Variants in ALOX5 observed in about 807,000 individuals in gnomAD.
ALOX5 encodes polyunsaturated fatty acid 5-lipoxygenase.
In ALOX5, 64 loss-of-function variants were observed where a neutral mutation model predicts 87.9. The ratio of observed to expected loss-of-function variants is 0.73; its 90% confidence interval spans 0.60 to 0.90. The LOEUF (loss-of-function observed/expected upper bound fraction) is 0.90, where lower values mean the gene tolerates loss of function less well. ALOX5 is among the 40% of genes least tolerant of loss of function. The probability of loss-of-function intolerance (pLI) is 0.00; values close to 1 mark genes in which losing one functional copy is unlikely to be tolerated. For missense variants in ALOX5, 822 were observed against 907.5 expected (o/e 0.91, Z 1.21); for synonymous variants, 388 against 355.1 (o/e 1.09, Z -1.04).
chr10:45,387,122 T>C (rs1038832091), intron 2 of ALOX5, among the ~76,000 whole-genome samples: 8 of 152,324 alleles, frequency 5.3e-5, no homozygotes, highest in East Asian at 1.9e-4. Flanking sequence ...CCCGGAGAAG[T>C]AGGCATTATC....
chr10:45,377,890 T>G (rs997350979), intron 1 of ALOX5, among the ~76,000 whole-genome samples: 2 of 152,216 alleles, frequency 1.3e-5, no homozygotes, highest in Admixed American at 1.3e-4. Flanking sequence ...GCTTTAAAAC[T>G]ACATATCCAA....
rs573969639 is a variant in ALOX5, at chr10:45,398,816, T to C, written c.431+2880T>C. 1.5e-4 allele frequency among the ~76,000 whole-genome samples: 23 copies of C among 152,246 alleles called. No individual in the cohort carries two copies. In the South Asian group the frequency reaches 4.8e-3, roughly 32 times the overall value. ...AATAAAAAAATCCGACAAGAACAAG[T>C]GTTGACAAGGATGTGGAGAAATCAG... is the stretch of plus-strand genomic sequence containing the variant. On this transcript the variant is annotated intron_variant, in intron 3 of 13. Transcript: ENST00000374391.
At chr10:45,419,640 G>A (rs1841431970) in intron 4 of ALOX5, among the ~76,000 whole-genome samples, 3 of 152,260 alleles carry the variant, frequency 2.0e-5, no homozygotes, top group Admixed American at 2.0e-4. Context: ...AGTGTTCGGG[G>A]ATTCCCGAGC....
intron 3 of ALOX5, among the ~76,000 whole-genome samples, chr10:45,403,774 A>G (rs747406056): frequency 2.6e-5 from 4 of 152,184 alleles, no homozygotes; most frequent in Non-Finnish European, 5.9e-5. Context: ...CTCAGGCACC[A>G]TATGATGTGT....
chr10:45,396,075 G>C, intron 3 of ALOX5, 139 bp downstream of exon 3: 1 of 758,790 alleles, frequency 1.3e-6, no homozygotes. Context: ...CCCAGTGTGG[G>C]TGCACAATCC....
intron 3 of ALOX5, among the ~76,000 whole-genome samples, chr10:45,399,986 AG>A (rs557780964): frequency 3.9e-4 from 59 of 152,220 alleles, no homozygotes; most frequent in Non-Finnish European, 7.5e-4. Flanking sequence ...AAAGACAGAT[AG>A]TAACAAGTGC....
intron 1 of ALOX5, among the ~76,000 whole-genome samples, chr10:45,380,274 A>G (rs1305105266): frequency 6.6e-6 from 1 of 152,216 alleles, no homozygotes; most frequent in African/African-American, 2.4e-5. Flanking sequence ...TGGACCCAAG[A>G]CATGTCATCC....
rs191727256 is a variant in ALOX5 at position 45,435,512 on chromosome 10, T to C, written c.982-4918T>C. On this transcript the variant is annotated intron_variant, in intron 7 of 13. Transcript: ENST00000374391. ...TAGCTCCCACTTATAAATAAGAACATGCAGTATTCGATTTTCTGTTTCTGG... is the reference window on the plus strand; with the variant it reads ...TAGCTCCCACTTATAAATAAGAACACGCAGTATTCGATTTTCTGTTTCTGG... Among the ~76,000 whole-genome samples, 523 of 152,284 alleles carry C rather than the reference T, an allele frequency of 3.4e-3. 7 individuals are homozygous for C. Among genetic ancestry groups the C allele is most frequent in the African/African-American group, 0.012 (489 of 41,548 alleles).
In ALOX5 at chr10:45,382,605, C is replaced by T; in HGVS notation, c.273C>T (p.Pro91=). ...WYLKYITLKT[P]HGDYIEFPCY... ...TGAAGTACATCACGCTGAAGACGCC[C>T]CACGGGGACTACATCGAGTTCCCCT... is the stretch of plus-strand genomic sequence containing the variant. The change falls in exon 2 of 14, where the codon CCC becomes CCT. Residue 91 remains proline (P), a synonymous_variant. Transcript: ENST00000374391. 6.2e-7 allele frequency: 1 copy of T among 1,614,154 alleles called. No homozygotes were observed. Among genetic ancestry groups the T allele is most frequent in the South Asian group, 1.1e-5 (1 of 91,084 alleles).
intron 4 of ALOX5, among the ~76,000 whole-genome samples, chr10:45,420,844 T>G (rs1841478126): frequency 6.6e-6 from 1 of 152,190 alleles, no homozygotes; most frequent in Non-Finnish European, 1.5e-5. Context: ...ATGGCCTCAT[T>G]AAAGCAAATT....
Position 45,395,858 on chromosome 10 carries a change from A to G in ALOX5, c.353A>G (p.Lys118Arg). The G allele has an allele frequency of 6.2e-7, 1 of 1,614,184 alleles. No individual in the cohort carries two copies. The highest frequency in any genetic ancestry group is 8.5e-7 in the Non-Finnish European group (1 of 1,180,006). Residue 118 changes from lysine to arginine, a missense_variant, in exon 3 of 14, where the codon AAG (lysine) becomes AGG (arginine). Physicochemically the swap from Lys to Arg is conservative, Grantham distance 26 (BLOSUM62 2). Transcript: ENST00000374391. ...VEVVLRDGRA[K>R]LARDDQIHIL... ...TCATGTTGTTCTTTCTTTACAGCAAAGTTGGCCCGAGATGACCAAATTCAC... is the reference window on the plus strand; with the variant it reads ...TCATGTTGTTCTTTCTTTACAGCAAGGTTGGCCCGAGATGACCAAATTCAC...
Position 45,445,887 on chromosome 10 carries a change from G to C in ALOX5, c.*200G>C. The C allele has an allele frequency of 1.7e-6, 1 of 597,168 alleles. No homozygotes were observed. Among genetic ancestry groups the C allele is most frequent in the Non-Finnish European group, 2.9e-6 (1 of 348,294 alleles). 37.0% of individuals were successfully genotyped at this position (597,168 alleles called of 1,614,324 possible). A position where few individuals can be genotyped will look rare whatever the true frequency, so the allele number is the denominator to read the frequency against. On this transcript the variant is annotated 3_prime_UTR_variant, in exon 14 of 14. Transcript: ENST00000374391. Reference sequence around the variant, plus strand: ...ACACCATAGGGACCCATTCTACACAGAGCAGGACTGCACAGCGTCCTGTCC... The same window carrying C: ...ACACCATAGGGACCCATTCTACACACAGCAGGACTGCACAGCGTCCTGTCC...
At chr10:45,432,413 G>A (rs1564444270) in intron 7 of ALOX5, among the ~76,000 whole-genome samples, 1 of 151,686 alleles carries the variant, frequency 6.6e-6, no homozygotes, top group Non-Finnish European at 1.5e-5. Flanking sequence ...TTTCCTTGCT[G>A]GATTTGTAAG....
rs537251267 is a variant in ALOX5, at chr10:45,398,827, A to T, written c.431+2891A>T. ...CCGACAAGAACAAGTGTTGACAAGG[A>T]TGTGGAGAAATCAGAACCCTCATAC... is the stretch of plus-strand genomic sequence containing the variant. On this transcript the variant is annotated intron_variant, in intron 3 of 13. Transcript: ENST00000374391. Among the ~76,000 whole-genome samples, 3 of 152,338 alleles carry T rather than the reference A, an allele frequency of 2.0e-5. No individual in the cohort carries two copies. The South Asian group carries it at 6.2e-4, about 32-fold the overall frequency.
At chr10:45,397,706 CTA>C (rs1840561556) in intron 3 of ALOX5, among the ~76,000 whole-genome samples, 1 of 151,590 alleles carries the variant, frequency 6.6e-6, no homozygotes, top group Non-Finnish European at 1.5e-5. Context: ...TAACAACCAA[CTA>C]TGTGAAATAA....
At chr10:45,383,564 C>T (rs1839914920) in intron 2 of ALOX5, among the ~76,000 whole-genome samples, 1 of 152,244 alleles carries the variant, frequency 6.6e-6, no homozygotes, top group African/African-American at 2.4e-5. Context: ...CAAACTCTTT[C>T]TCTTTGCCAA....
chr10:45,384,060 GC>G, intron 2 of ALOX5, among the ~76,000 whole-genome samples: 1 of 152,210 alleles, frequency 6.6e-6, no homozygotes. Context: ...AAAGGTGTGG[GC>G]CCATGTGCAG....
chr10:45,445,963 CTGA>C lies in ALOX5; in HGVS notation c.*278_*280del, dbSNP rs1331187501. On this transcript the variant is annotated 3_prime_UTR_variant, in exon 14 of 14. Coordinates refer to ENST00000374391, the MANE Select transcript of ALOX5 (RefSeq NM_000698.5). Reference sequence around the variant, plus strand: ...AAGCAGCAACAGCAAATCACGACCACTGATAGATGTCTATTCTTGTTGGAGACA... The same window carrying C: ...AAGCAGCAACAGCAAATCACGACCACTAGATGTCTATTCTTGTTGGAGACA... The C allele has an allele frequency of 2.4e-6, 1 of 412,358 alleles. No individual in the cohort carries two copies. The highest frequency in any genetic ancestry group is 4.3e-6 in the Non-Finnish European group (1 of 233,054). 25.5% of individuals were successfully genotyped at this position (412,358 alleles called of 1,614,324 possible). A position where few individuals can be genotyped will look rare whatever the true frequency, so the allele number is the denominator to read the frequency against.
rs200927295 is a variant in ALOX5 at position 45,382,609 on chromosome 10, G to C, written c.277G>C (p.Gly93Arg). 6.2e-7 allele frequency: 1 copy of C among 1,614,136 alleles called. No homozygotes were observed. Among genetic ancestry groups the C allele is most frequent in the Non-Finnish European group, 8.5e-7 (1 of 1,180,030 alleles). The change falls in exon 2 of 14, where the codon GGG becomes CGG. Residue 93 changes from glycine (G) to arginine (R), a missense_variant. Gly to Arg is a moderately radical substitution (Grantham distance 125). Coordinates refer to ENST00000374391, the MANE Select transcript of ALOX5 (RefSeq NM_000698.5). ...GTACATCACGCTGAAGACGCCCCAC[G>C]GGGACTACATCGAGTTCCCCTGCTA... ...LKYITLKTPH[G>R]DYIEFPCYRW...
Sources: allele counts gnomAD v4.1 joint callset (sites outside exome capture counted in the v4.1 genomes callset), GRCh38; gene constraint gnomAD v4.1.1; transcripts MANE v1.5; gene names NCBI Gene and HGNC (gene_info 2026-07-23, HGNC 2026-07-21).